HS6ST3: variants seen among roughly 807,000 people sequenced by gnomAD.
The protein encoded by HS6ST3 is heparan sulfate 6-O-sulfotransferase 3, also known as heparan-sulfate 6-O-sulfotransferase 3.
HS6ST3 carries 12 observed loss-of-function variants against 36.7 expected under a neutral mutation model. That is an observed-to-expected ratio of 0.33 (90% CI 0.21 to 0.53). The LOEUF is 0.53. HS6ST3 is among the 20% of genes least tolerant of loss of function. The probability of loss-of-function intolerance (pLI) is 0.95; values close to 1 mark genes in which losing one functional copy is unlikely to be tolerated. For synonymous variants in HS6ST3, 240 were observed against 257.5 expected (o/e 0.93, Z 0.65); for missense variants, 584 against 640.9 (o/e 0.91, Z 0.96).
intron 1 of HS6ST3, among the ~76,000 whole-genome samples, chr13:96,406,852 A>G (rs1029866174): frequency 6.6e-6 from 1 of 152,322 alleles, no homozygotes; most frequent in Middle Eastern, 3.4e-3. Context: ...ACAAAAATGT[A>G]TAGGAAGTCC....
intron 1 of HS6ST3, among the ~76,000 whole-genome samples, chr13:96,829,356 G>T (rs1410407787): frequency 6.6e-6 from 1 of 151,206 alleles, no homozygotes; most frequent in Non-Finnish European, 1.5e-5. Context: ...AAGTTCAGCA[G>T]TACATGTGCA....
chr13:96,351,404 C>CT (rs1346452112), intron 1 of HS6ST3, among the ~76,000 whole-genome samples: 1 of 150,678 alleles, frequency 6.6e-6, no homozygotes, highest in Non-Finnish European at 1.5e-5. Flanking sequence ...TTACTGCAGC[C>CT]TTGACCTACT....
intron 1 of HS6ST3, among the ~76,000 whole-genome samples, chr13:96,118,398 T>G (rs1594682548): frequency 6.6e-6 from 1 of 152,038 alleles, no homozygotes; most frequent in Admixed American, 6.6e-5. Context: ...CATTTTGATC[T>G]TGGACTTCCA....
intron 1 of HS6ST3, among the ~76,000 whole-genome samples, chr13:96,433,441 T>C (rs1276441741): frequency 6.6e-6 from 1 of 152,208 alleles, no homozygotes; most frequent in Non-Finnish European, 1.5e-5. Context: ...GGGGTTGGTT[T>C]CCCCTATACT....
At chr13:96,301,069 G>A (rs908555405) in intron 1 of HS6ST3, among the ~76,000 whole-genome samples, 1 of 152,176 alleles carries the variant, frequency 6.6e-6, no homozygotes, top group Non-Finnish European at 1.5e-5. Flanking sequence ...TGCTGCACAA[G>A]AGATGTATGC....
intron 1 of HS6ST3, among the ~76,000 whole-genome samples, chr13:96,514,220 G>A (rs1192615048): frequency 6.6e-6 from 1 of 152,172 alleles, no homozygotes; most frequent in Non-Finnish European, 1.5e-5. Flanking sequence ...AGTGATACCA[G>A]CGTGCAGTAG....
At chr13:96,515,964 G>A (rs772715541) in intron 1 of HS6ST3, among the ~76,000 whole-genome samples, 6 of 152,044 alleles carry the variant, frequency 3.9e-5, no homozygotes, top group African/African-American at 9.7e-5. Context: ...CTGAAATTCT[G>A]TGCAGAGTTC....
In HS6ST3 at chr13:96,211,592, T is replaced by C. The variant is rs150153964; in HGVS notation, c.707+120023T>C. Among the ~76,000 whole-genome samples the C allele has an allele frequency of 3.6e-3, 541 of 152,358 alleles. 5 individuals carry two copies. The highest frequency in any genetic ancestry group is 0.012 in the African/African-American group (518 of 41,582). On this transcript the variant is annotated intron_variant, in intron 1 of 1. Transcript: ENST00000376705. ...TTATAATATGAGAATATCCAAAGCC[T>C]TTAAATATATTGTTTTCTATTATTG...
chr13:96,290,835 C>T (rs1337419738), intron 1 of HS6ST3, among the ~76,000 whole-genome samples: 2 of 152,284 alleles, frequency 1.3e-5, no homozygotes, highest in South Asian at 2.1e-4. Context: ...TCTCTGATTT[C>T]GTCTGCTACC....
chr13:96,534,344 A>G (rs942960364), intron 1 of HS6ST3, among the ~76,000 whole-genome samples: 2 of 152,210 alleles, frequency 1.3e-5, no homozygotes, highest in Non-Finnish European at 2.9e-5. Flanking sequence ...ATTATTAAAT[A>G]TCTGCAGGAT....
chr13:96,510,498 G>A (rs2138919523), intron 1 of HS6ST3, among the ~76,000 whole-genome samples: 1 of 152,244 alleles, frequency 6.6e-6, no homozygotes, highest in African/African-American at 2.4e-5. Context: ...ATCCGATGAT[G>A]TGACCTGTCC....
At chr13:96,523,895 C>T (rs2056103658) in intron 1 of HS6ST3, among the ~76,000 whole-genome samples, 1 of 152,132 alleles carries the variant, frequency 6.6e-6, no homozygotes, top group Non-Finnish European at 1.5e-5. Context: ...CAGTTTTGTT[C>T]CCTTGCTGGT....
chr13:96,153,470 G>A (rs184643023), intron 1 of HS6ST3, among the ~76,000 whole-genome samples: 1 of 152,108 alleles, frequency 6.6e-6, no homozygotes, highest in Admixed American at 6.6e-5. Context: ...CTCTGAGCCA[G>A]GGTTCTTTTA....
intron 1 of HS6ST3, among the ~76,000 whole-genome samples, chr13:96,734,559 T>C (rs1876235980): frequency 6.6e-6 from 1 of 152,230 alleles, no homozygotes; most frequent in Non-Finnish European, 1.5e-5. Flanking sequence ...GAATTTCATA[T>C]AGATGTAATT....
intron 1 of HS6ST3, among the ~76,000 whole-genome samples, chr13:96,770,112 A>G (rs1877225349): frequency 1.3e-5 from 2 of 152,156 alleles, no homozygotes; most frequent in Non-Finnish European, 1.5e-5. Flanking sequence ...GCTATTAGGG[A>G]CAGATATTCT....
At chr13:96,238,332 C>T (rs1037329319) in intron 1 of HS6ST3, among the ~76,000 whole-genome samples, 2 of 152,196 alleles carry the variant, frequency 1.3e-5, no homozygotes, top group Admixed American at 1.3e-4. Context: ...ACTAACTCTC[C>T]CTGCACCCAG....
Position 96,477,917 on chromosome 13 carries a change from A to AT in HS6ST3, c.708-354570dup, listed in dbSNP as rs2055871879. ...ATAATAATAATATATTGTATTACCA[A>AT]TTTGCTGCATACTCCACACATACAC... On this transcript the variant is annotated intron_variant, in intron 1 of 1. Coordinates refer to ENST00000376705, the MANE Select transcript of HS6ST3 (RefSeq NM_153456.4). Among the ~76,000 whole-genome samples the AT allele has an allele frequency of 2.0e-5, 3 of 152,050 alleles. No homozygotes were observed. In the South Asian group the frequency reaches 6.2e-4, roughly 32 times the overall value.
chr13:96,512,078 A>T (rs1313777313), intron 1 of HS6ST3, among the ~76,000 whole-genome samples: 1 of 152,200 alleles, frequency 6.6e-6, no homozygotes, highest in Non-Finnish European at 1.5e-5. Flanking sequence ...ATATAATTAT[A>T]TATAGAGAGA....
intron 1 of HS6ST3, among the ~76,000 whole-genome samples, chr13:96,418,576 T>C (rs976046429): frequency 3.9e-5 from 6 of 152,152 alleles, no homozygotes; most frequent in Non-Finnish European, 8.8e-5. Context: ...TGACCTCCTC[T>C]TTCTTCCTTT....
Sources: gnomAD v4.1 joint callset for allele counts (sites outside exome capture counted in the v4.1 genomes callset) on GRCh38, gnomAD v4.1.1 for gene constraint, MANE v1.5 for transcripts, NCBI Gene and HGNC (gene_info 2026-07-23, HGNC 2026-07-21) for gene names.